CA5A: variants seen among roughly 807,000 people sequenced by gnomAD.
The protein encoded by CA5A is carbonic anhydrase 5A.
A neutral mutation model predicts 37.1 loss-of-function variants in CA5A; 28 were observed. That is an observed-to-expected ratio of 0.75 (90% CI 0.56 to 1.03). The LOEUF is 1.03. Ranked by LOEUF, CA5A falls within the 50% of genes least tolerant of loss-of-function variation. The pLI, the probability that CA5A is intolerant of heterozygous loss-of-function variation, is 0.00. For synonymous variants in CA5A, 171 were observed against 158.4 expected (o/e 1.08, Z -0.60); for missense variants, 444 against 399.9 (o/e 1.11, Z -0.94).
intron 1 of CA5A, among the ~76,000 whole-genome samples, chr16:87,931,325 T>A (rs2056401380): frequency 6.6e-6 from 1 of 150,886 alleles, no homozygotes; most frequent in Non-Finnish European, 1.5e-5. Flanking sequence ...TTGGCCAGGC[T>A]GTTCTCGAAC....
intron 2 of CA5A, among the ~76,000 whole-genome samples, chr16:87,913,556 G>C (rs573725809): frequency 2.0e-4 from 30 of 152,248 alleles, no homozygotes; most frequent in African/African-American, 7.2e-4. Context: ...ATTTCAGATG[G>C]AAAAGCCTCA....
In CA5A at chr16:87,926,416, A is replaced by G. The variant is rs112017947; in HGVS notation, c.340+332T>C. ...TTCTGAGTTCCTCTTCCGACGCGCAAAGTGTTCGCATTTCAATGAGCTTGT... is the reference window on the plus strand; with the variant it reads ...TTCTGAGTTCCTCTTCCGACGCGCAGAGTGTTCGCATTTCAATGAGCTTGT... On this transcript the variant is annotated intron_variant, in intron 2 of 6. Transcript: ENST00000649794. Among the ~76,000 whole-genome samples, 441 of 152,104 alleles carry G rather than the reference A, an allele frequency of 2.9e-3. 3 individuals carry two copies. The highest frequency in any genetic ancestry group is 0.01 in the African/African-American group (416 of 41,500).
chr16:87,930,369 G>C (rs1242667224), intron 1 of CA5A, among the ~76,000 whole-genome samples: 2 of 152,204 alleles, frequency 1.3e-5, no homozygotes, highest in South Asian at 2.1e-4. Context: ...GCCTCTGGGA[G>C]TCTCTGCTAG....
chr16:87,893,808 T>G, intron 5 of CA5A: 2 of 346,542 alleles, frequency 5.8e-6, no homozygotes, highest in Non-Finnish European at 1.1e-5. Context: ...GGTCTTACTT[T>G]GTCACCCAGG....
intron 2 of CA5A, among the ~76,000 whole-genome samples, chr16:87,926,205 C>G (rs913020134): frequency 6.7e-6 from 1 of 149,442 alleles, no homozygotes; most frequent in Non-Finnish European, 1.5e-5. Context: ...AATGACAGAG[C>G]AAGACTCTGT....
intron 2 of CA5A, chr16:87,925,443 A>T (rs1030522980): frequency 1.3e-5 from 2 of 152,160 alleles, no homozygotes; most frequent in African/African-American, 4.8e-5. Flanking sequence ...GTACCAGAGG[A>T]GCTCACTAGC....
intron 6 of CA5A, among the ~76,000 whole-genome samples, chr16:87,891,072 G>A (rs1717086390): frequency 6.6e-6 from 1 of 151,778 alleles, no homozygotes; most frequent in South Asian, 2.1e-4. Context: ...AAAATTATGG[G>A]CATGAGCCAT....
intron 1 of CA5A, among the ~76,000 whole-genome samples, chr16:87,927,403 A>G (rs1464818850): frequency 6.6e-6 from 1 of 152,180 alleles, no homozygotes; most frequent in East Asian, 1.9e-4. Context: ...TCCTGTGGAA[A>G]CTGGAGCTGC....
chr16:87,911,175 A>C lies in CA5A; in HGVS notation c.341-6271T>G, dbSNP rs1286750040. Reference sequence around the variant, plus strand: ...TAAGCTGCCAGCCCCCATCCCCCGGACTCTGCTATCAGCAGGGCTGGTCCA... The same window carrying C: ...TAAGCTGCCAGCCCCCATCCCCCGGCCTCTGCTATCAGCAGGGCTGGTCCA... On this transcript the variant is annotated intron_variant, in intron 2 of 6. Coordinates refer to ENST00000649794, the MANE Select transcript of CA5A (RefSeq NM_001739.2). This position sits in a 1 kb window ranked among gnomAD's most constrained non-coding sequence, Gnocchi z 4.6. 6.6e-6 allele frequency among the ~76,000 whole-genome samples: 1 copy of C among 150,704 alleles called. No individual in the cohort carries two copies. The highest frequency in any genetic ancestry group is 1.5e-5 in the Non-Finnish European group (1 of 67,832).
chr16:87,927,237 TCA>T (rs1208777841), intron 1 of CA5A, among the ~76,000 whole-genome samples: 1 of 152,206 alleles, frequency 6.6e-6, no homozygotes, highest in African/African-American at 2.4e-5. Context: ...GTTGCCCTCG[TCA>T]CAGAGTAGCC....
In CA5A at chr16:87,910,419, G is replaced by C. The variant is rs1044671743; in HGVS notation, c.341-5515C>G. Among the ~76,000 whole-genome samples, 12 of 152,276 alleles carry C rather than the reference G, an allele frequency of 7.9e-5. No homozygotes were observed. In the Middle Eastern group the frequency reaches 0.01, roughly 129 times the overall value. ...GATGAGGAAATTGAGACGCAGAGAG[G>C]TTCGGTCACCTGCCCCAGTTTAGCC... On this transcript the variant is annotated intron_variant, in intron 2 of 6. Transcript: ENST00000649794.
chr16:87,925,122 G>T (rs2056286908), intron 2 of CA5A, among the ~76,000 whole-genome samples: 1 of 152,234 alleles, frequency 6.6e-6, no homozygotes, highest in Non-Finnish European at 1.5e-5. Flanking sequence ...CCAGGCACGT[G>T]GGACGCACCC....
chr16:87,932,401 C>A (rs1294354252), intron 1 of CA5A, among the ~76,000 whole-genome samples: 1 of 152,050 alleles, frequency 6.6e-6, no homozygotes, highest in South Asian at 2.1e-4. Flanking sequence ...CTGAGCTGCA[C>A]CAACGGGCCC....
intron 1 of CA5A, among the ~76,000 whole-genome samples, chr16:87,927,454 ATG>A (rs1424360472): frequency 2.0e-5 from 3 of 152,192 alleles, no homozygotes; most frequent in Non-Finnish European, 4.4e-5. Context: ...CAAGGAGGAA[ATG>A]AGACCCCAGT....
intron 6 of CA5A, among the ~76,000 whole-genome samples, chr16:87,891,263 T>C (rs1479041187): frequency 6.7e-6 from 1 of 148,246 alleles, no homozygotes; most frequent in African/African-American, 2.5e-5. Context: ...AGGTCAAGAG[T>C]TCAAGACCAG....
chr16:87,891,731 G>C, intron 6 of CA5A, 68 bp downstream of exon 6: 1 of 1,298,548 alleles, frequency 7.7e-7, no homozygotes. Flanking sequence ...CAGCATCTTA[G>C]TGACGCTGCC....
intron 1 of CA5A, among the ~76,000 whole-genome samples, chr16:87,930,215 C>A (rs2056383713): frequency 6.6e-6 from 1 of 152,146 alleles, no homozygotes; most frequent in Non-Finnish European, 1.5e-5. Context: ...CAGCATCTGG[C>A]ACTATGAATG....
chr16:87,898,820 C>T (rs761216914), intron 5 of CA5A, among the ~76,000 whole-genome samples: 2 of 151,358 alleles, frequency 1.3e-5, no homozygotes, highest in Admixed American at 6.6e-5. Flanking sequence ...CTGCAACCTC[C>T]GTCTCCTGGG....
intron 5 of CA5A, among the ~76,000 whole-genome samples, chr16:87,898,421 AC>A (rs2055832503): frequency 6.6e-6 from 1 of 152,226 alleles, no homozygotes; most frequent in Non-Finnish European, 1.5e-5. Flanking sequence ...ATTAGATTCA[AC>A]CACACTTCTA....
Sources: allele counts gnomAD v4.1 joint callset (sites outside exome capture counted in the v4.1 genomes callset), GRCh38; gene constraint gnomAD v4.1.1; non-coding constraint Gnocchi (gnomAD v3.1); transcripts MANE v1.5; gene names NCBI Gene and HGNC (gene_info 2026-07-23, HGNC 2026-07-21).